Variants in SNTG2 observed in about 807,000 individuals in gnomAD.
SNTG2 encodes gamma-2-syntrophin.
Under a neutral mutation model 70.9 loss-of-function variants are expected in SNTG2, and 74 were observed. The ratio of observed to expected loss-of-function variants is 1.04; its 90% CI spans 0.86 to 1.27. The LOEUF (loss-of-function observed/expected upper bound fraction) is 1.27, where lower values mean the gene tolerates loss of function less well. SNTG2 is among the 50% of genes most tolerant of loss of function. SNTG2 has a pLI of 0.00. For synonymous variants in SNTG2, 278 were observed against 273.8 expected, an observed-to-expected ratio of 1.02 and a Z score of -0.15; for missense variants, 717 against 690.7, an observed-to-expected ratio of 1.04 and a Z score of -0.43.
intron 13 of SNTG2, among the ~76,000 whole-genome samples, chr2:1,263,524 A>T (rs1271002717): frequency 6.6e-6 from 1 of 152,002 alleles, no homozygotes; most frequent in Admixed American, 6.6e-5. Flanking sequence ...GAAAGGGAAC[A>T]TAATAAGATG....
intron 12 of SNTG2, chr2:1,256,330 G>A (rs759696240): frequency 1.3e-5 from 2 of 152,094 alleles, no homozygotes; most frequent in Non-Finnish European, 2.9e-5. Context: ...ATTTGTATAT[G>A]CATACAGAGA....
intron 1 of SNTG2, among the ~76,000 whole-genome samples, chr2:1,061,600 G>A (rs1190651865): frequency 6.6e-6 from 1 of 152,144 alleles, no homozygotes; most frequent in Non-Finnish European, 1.5e-5. Flanking sequence ...GGCCCTCTTG[G>A]TGCTTCATGG....
Position 1,098,203 on chromosome 2 carries a change from C to T in SNTG2, c.218C>T (p.Thr73Ile), listed in dbSNP as rs772583654. The T allele has an allele frequency of 1.2e-6, 2 of 1,614,024 alleles. No individual in the cohort carries two copies. Among genetic ancestry groups the T allele is most frequent in the African/African-American group, 1.3e-5 (1 of 75,048 alleles). Residue 73 changes from threonine (T) to isoleucine (I), a missense_variant, in exon 3 of 17, where the codon ACT becomes ATT. Coordinates refer to ENST00000308624, the MANE Select transcript of SNTG2 (RefSeq NM_018968.4). ...TTCTAAAATGTTTTAAAGCGCAGAACTGTTACACTCCGCAGACAGCCAGTT... is the reference window on the plus strand; with the variant it reads ...TTCTAAAATGTTTTAAAGCGCAGAATTGTTACACTCCGCAGACAGCCAGTT... ...GGSHQGRNRR[T>I]VTLRRQPVGG...
At chr2:1,322,232 A>G (rs1299201113) in intron 16 of SNTG2, among the ~76,000 whole-genome samples, 2 of 152,218 alleles carry the variant, frequency 1.3e-5, no homozygotes, top group African/African-American at 4.8e-5. Flanking sequence ...GGTAAATTGA[A>G]GTTAAAGCAT....
At chr2:1,092,374 C>T (rs187237586) in intron 2 of SNTG2, among the ~76,000 whole-genome samples, 2 of 152,094 alleles carry the variant, frequency 1.3e-5, no homozygotes, top group African/African-American at 2.4e-5. Flanking sequence ...GGGGGATCGA[C>T]GAGGACCTGG....
chr2:997,509 T>G (rs1210116794), intron 1 of SNTG2, among the ~76,000 whole-genome samples: 1 of 152,224 alleles, frequency 6.6e-6, no homozygotes, highest in African/African-American at 2.4e-5. Flanking sequence ...TGATCTGATC[T>G]TCATTAAAGA....
chr2:1,255,918 A>AT (rs1558603023), intron 12 of SNTG2, among the ~76,000 whole-genome samples: 19 of 71,244 alleles, frequency 2.7e-4, no homozygotes, highest in African/African-American at 1.6e-3. Context: ...ATATATATAT[A>AT]AATATATAAA....
chr2:1,031,337 C>A (rs10195444), intron 1 of SNTG2, among the ~76,000 whole-genome samples: 3,140 of 151,440 alleles, frequency 0.021, 116 homozygotes, highest in African/African-American at 0.072. Flanking sequence ...CATTTCCTCC[C>A]CTCTCAGGGA....
intron 7 of SNTG2, among the ~76,000 whole-genome samples, chr2:1,170,260 C>T (rs536535325): frequency 5.9e-5 from 9 of 152,308 alleles, no homozygotes; most frequent in Admixed American, 1.3e-4. Context: ...GAAAATTCAC[C>T]GTTTTAAAGT....
At chr2:995,722 C>T (rs1661656668) in intron 1 of SNTG2, among the ~76,000 whole-genome samples, 1 of 151,938 alleles carries the variant, frequency 6.6e-6, no homozygotes, top group African/African-American at 2.4e-5. Flanking sequence ...ATTTTTTATT[C>T]AATTTTGTTT....
At chr2:1,327,035 A>G (rs1046291083) in intron 16 of SNTG2, among the ~76,000 whole-genome samples, 21 of 152,000 alleles carry the variant, frequency 1.4e-4, no homozygotes, top group Non-Finnish European at 3.1e-4. Context: ...TTATATAAGA[A>G]TAAGTATATT....
intron 16 of SNTG2, chr2:1,341,612 T>G (rs918761964): frequency 2.0e-5 from 3 of 152,124 alleles, no homozygotes; most frequent in African/African-American, 7.2e-5. Context: ...AGCTGTTTAA[T>G]GAGATCCCTG....
intron 8 of SNTG2, among the ~76,000 whole-genome samples, chr2:1,191,172 T>G (rs1658051486): frequency 6.6e-6 from 1 of 152,182 alleles, no homozygotes; most frequent in Non-Finnish European, 1.5e-5. Context: ...ACTTTTACAT[T>G]TGTAAAATTT....
chr2:1,058,115 A>C (rs1226070201), intron 1 of SNTG2, among the ~76,000 whole-genome samples: 5 of 149,092 alleles, frequency 3.4e-5, no homozygotes, highest in Non-Finnish European at 5.9e-5. Flanking sequence ...TTCTGCTCTT[A>C]TCTTCCTTGT....
intron 16 of SNTG2, among the ~76,000 whole-genome samples, chr2:1,324,163 T>C (rs1457757524): frequency 6.6e-6 from 1 of 151,920 alleles, no homozygotes; most frequent in African/African-American, 2.4e-5. Context: ...AGGCTGAGAG[T>C]TGGCTAACAG....
intron 1 of SNTG2, among the ~76,000 whole-genome samples, chr2:1,040,883 A>G (rs1226234363): frequency 2.6e-5 from 4 of 152,200 alleles, no homozygotes; most frequent in Admixed American, 6.5e-5. Context: ...CTGTGCCATC[A>G]GAGCAGCTGT....
chr2:986,067 TAGAGAGAGAGAGAG>T (rs10633277), intron 1 of SNTG2, among the ~76,000 whole-genome samples: 39 of 129,802 alleles, frequency 3.0e-4, no homozygotes, highest in African/African-American at 7.1e-4. Flanking sequence ...CTGCAAATAA[TAGAGAGAGAGAGAG>T]AGAGAGAGAG....
At chr2:1,197,515 ATGTGTGTGTGTGTGTG>A (rs71299845) in intron 8 of SNTG2, among the ~76,000 whole-genome samples, 1 of 128,322 alleles carries the variant, frequency 7.8e-6, no homozygotes, top group Non-Finnish European at 1.6e-5. Flanking sequence ...ATGTATATAT[ATGTGTGTGTGTGTGTG>A]TGTGTGTGTG....
chr2:1,196,352 G>A (rs905639513), intron 8 of SNTG2, among the ~76,000 whole-genome samples: 1 of 152,106 alleles, frequency 6.6e-6, no homozygotes, highest in African/African-American at 2.4e-5. Flanking sequence ...AAAAAAGAAT[G>A]AAGAAAACCT....
Sources: gnomAD v4.1 joint callset for allele counts (sites outside exome capture counted in the v4.1 genomes callset) on GRCh38, gnomAD v4.1.1 for gene constraint, MANE v1.5 for transcripts, NCBI Gene and HGNC (gene_info 2026-07-23, HGNC 2026-07-21) for gene names.